TAF1: variants seen among roughly 807,000 people sequenced by gnomAD.
TAF1 encodes TATA-box binding protein associated factor 1, also known as transcription initiation factor TFIID subunit 1.
TAF1 carries 2 observed loss-of-function variants against 138.5 expected under a neutral mutation model. That is an observed-to-expected ratio of 0.01 (90% CI 0.01 to 0.05). The LOEUF (loss-of-function observed/expected upper bound fraction) is 0.05. TAF1 is among the 10% of genes least tolerant of loss of function. The pLI is 1.00. For synonymous variants in TAF1, 437 were observed against 503.2 expected (o/e 0.87, Z 1.76); for missense variants, 709 against 1,478.0 (o/e 0.48, Z 8.53).
intron 11 of TAF1, 56 bp downstream of exon 11, chrX:71,382,924 G>A: frequency 8.4e-7 from 1 of 1,190,842 alleles, no homozygotes; most frequent in Admixed American, 2.3e-5. Flanking sequence ...TGTTCTGACG[G>A]AGGATATGGG....
chrX:71,489,852 C>T (rs1022513067), intron 13 of TAF1, among the ~76,000 whole-genome samples: 17 of 111,315 alleles, frequency 1.5e-4, no homozygotes, highest in Non-Finnish European at 3.2e-4. Context: ...TTTCTTATAG[C>T]TGGAATATAA....
At chrX:71,519,894 C>T (rs1432788937) in intron 13 of TAF1, among the ~76,000 whole-genome samples, 3 of 108,892 alleles carry the variant, frequency 2.8e-5, no homozygotes, top group Admixed American at 9.8e-5. Flanking sequence ...CAGCCTCTAC[C>T]TCCTGCGCTC....
chrX:71,374,988 G>C (rs1179860800), intron 3 of TAF1, among the ~76,000 whole-genome samples, 179 bp from the exon 4 acceptor site: 1 of 108,107 alleles, frequency 9.3e-6, no homozygotes, highest in East Asian at 2.9e-4. Flanking sequence ...AGGAGGCTGA[G>C]GCAGGAGAAC....
chrX:71,431,251 C>T (rs1232403391), intron 32 of TAF1, among the ~76,000 whole-genome samples: 2 of 108,887 alleles, frequency 1.8e-5, no homozygotes, highest in African/African-American at 6.7e-5. Context: ...TTAGCAGAGA[C>T]GGGGTTTCAC....
intron 13 of TAF1, among the ~76,000 whole-genome samples, chrX:71,505,893 G>A (rs1418254295): frequency 1.8e-5 from 2 of 111,110 alleles, no homozygotes; most frequent in Admixed American, 1.9e-4. Context: ...GGTGGCGCAT[G>A]CCTGTAATCC....
intron 18 of TAF1, among the ~76,000 whole-genome samples, chrX:71,391,145 C>T (rs1050227830): frequency 2.7e-5 from 3 of 111,701 alleles, no homozygotes; most frequent in African/African-American, 9.7e-5. Context: ...ACTTTCTTCC[C>T]GTGGCACTGA....
rs750798539 is a variant in TAF1 at position 71,453,039 on chromosome X, A to T, written c.4754-1131A>T. ...CAGTCCAGCTTCGGCTCGGCATCAG[A>T]GGGAGACCGTGGAAAGAGAGGGAGA... On this transcript the variant is annotated intron_variant, in intron 32 of 37. Coordinates refer to ENST00000423759, the MANE Select transcript of TAF1 (RefSeq NM_004606.5). 2.3e-4 allele frequency among the ~76,000 whole-genome samples: 25 copies of T among 110,433 alleles called. No individual in the cohort carries two copies. In the Admixed American group the frequency reaches 2.4e-3, roughly 11 times the overall value.
chrX:71,411,926 T>A (rs958488545), intron 28 of TAF1, among the ~76,000 whole-genome samples: 1 of 111,144 alleles, frequency 9.0e-6, no homozygotes, highest in Non-Finnish European at 1.9e-5. Flanking sequence ...CCCGGCTAAT[T>A]TTGTATTTTT....
intron 32 of TAF1, among the ~76,000 whole-genome samples, chrX:71,442,934 T>G (rs1173420061): frequency 8.9e-6 from 1 of 112,112 alleles, no homozygotes; most frequent in Non-Finnish European, 1.9e-5. Flanking sequence ...TTTCCCCATT[T>G]CTTGTTTTTG....
At chrX:71,448,792 C>G (rs2037811894) in intron 32 of TAF1, among the ~76,000 whole-genome samples, 1 of 105,415 alleles carries the variant, frequency 9.5e-6, no homozygotes, top group African/African-American at 3.5e-5. Flanking sequence ...GTGGATATTT[C>G]TTTTGTTTTC....
intron 13 of TAF1, among the ~76,000 whole-genome samples, chrX:71,487,982 A>T (rs1175304049): frequency 1.8e-5 from 2 of 112,116 alleles, no homozygotes; most frequent in Non-Finnish European, 3.8e-5. Flanking sequence ...ATTTGGAAAC[A>T]GTTTGACCTT....
intron 34 of TAF1, among the ~76,000 whole-genome samples, chrX:71,457,245 C>T (rs2038348405): frequency 8.9e-6 from 1 of 112,285 alleles, no homozygotes; most frequent in African/African-American, 3.2e-5. Context: ...CATATCTGTT[C>T]TATCTGTTGA....
rs765584861 is a variant in TAF1 at position 71,442,333 on chromosome X, T to C, written c.4754-11837T>C. Among the ~76,000 whole-genome samples, 3 of 112,347 alleles carry C rather than the reference T, an allele frequency of 2.7e-5. No individual in the cohort carries two copies. The South Asian group carries it at 1.1e-3, about 42-fold the overall frequency. Reference sequence around the variant, plus strand: ...CACATCCTTTCCAGCACCTGTTGTTTCCTGACTTCTTAACGATTGCCATTC... The same window carrying C: ...CACATCCTTTCCAGCACCTGTTGTTCCCTGACTTCTTAACGATTGCCATTC... On this transcript the variant is annotated intron_variant, in intron 32 of 37. Coordinates refer to ENST00000423759, the MANE Select transcript of TAF1 (RefSeq NM_004606.5).
At chrX:71,453,526 A>G (rs2038147166) in intron 32 of TAF1, among the ~76,000 whole-genome samples, 1 of 109,768 alleles carries the variant, frequency 9.1e-6, no homozygotes. Context: ...TCTGTCTCAA[A>G]ATAAAAACAA....
At chrX:71,430,924 T>C (rs766604332) in intron 32 of TAF1, among the ~76,000 whole-genome samples, 31 of 110,049 alleles carry the variant, frequency 2.8e-4, no homozygotes, top group Admixed American at 3.9e-4. Flanking sequence ...TTCAACTTGC[T>C]ATGTTGTATT....
At chrX:71,443,022 ATC>A (rs1405380118) in intron 32 of TAF1, among the ~76,000 whole-genome samples, 1 of 110,929 alleles carries the variant, frequency 9.0e-6, no homozygotes, top group African/African-American at 3.3e-5. Flanking sequence ...ATTGGTCTGT[ATC>A]TGTTTTGGTA....
At chrX:71,376,856 T>G in intron 4 of TAF1, 94 bp from the exon 5 acceptor site, 4 of 1,122,713 alleles carry the variant, frequency 3.6e-6, no homozygotes, top group Non-Finnish European at 4.8e-6. Context: ...CTCCTGGCAT[T>G]GAGCCATGTG....
At chrX:71,476,371 C>A (rs2038980001) in intron 13 of TAF1, among the ~76,000 whole-genome samples, 1 of 111,033 alleles carries the variant, frequency 9.0e-6, no homozygotes, top group African/African-American at 3.3e-5. Context: ...TGTGGTGGCT[C>A]ATGCCTGTAA....
intron 13 of TAF1, among the ~76,000 whole-genome samples, chrX:71,506,231 T>A (rs189936799): frequency 9.4e-6 from 1 of 106,214 alleles, no homozygotes; most frequent in East Asian, 2.9e-4. Context: ...AATAAATAAA[T>A]AAATAAAAAA....
Sources: allele counts gnomAD v4.1 joint callset (sites outside exome capture counted in the v4.1 genomes callset), GRCh38; gene constraint gnomAD v4.1.1; transcripts MANE v1.5; gene names NCBI Gene and HGNC (gene_info 2026-07-23, HGNC 2026-07-21).